Variants in TOX observed in about 807,000 individuals in gnomAD.
TOX encodes the protein thymocyte selection-associated high mobility group box protein TOX.
TOX carries 11 observed loss-of-function variants against 53.7 expected under a neutral mutation model. That is an observed-to-expected ratio of 0.20 (90% CI 0.13 to 0.34). The LOEUF is 0.34. Ranked by LOEUF, TOX falls within the 10% of genes least tolerant of loss-of-function variation. The pLI, the probability that TOX is intolerant of heterozygous loss-of-function variation, is 1.00. For synonymous variants in TOX, 225 were observed against 245.3 expected (o/e 0.92, Z 0.77); for missense variants, 570 against 664.6 (o/e 0.86, Z 1.56).
chr8:58,973,153 A>G (rs1210392398), intron 1 of TOX, among the ~76,000 whole-genome samples: 1 of 152,222 alleles, frequency 6.6e-6, no homozygotes, highest in Non-Finnish European at 1.5e-5. Flanking sequence ...AGAAAGTGAT[A>G]TAGTACCTAT....
chr8:59,018,856 G>A (rs1319388946), intron 1 of TOX, among the ~76,000 whole-genome samples: 1 of 152,016 alleles, frequency 6.6e-6, no homozygotes, highest in African/African-American at 2.4e-5. Flanking sequence ...GACTACCCAG[G>A]ACTGAGAACA....
intron 1 of TOX, among the ~76,000 whole-genome samples, chr8:59,113,381 A>G (rs1805052295): frequency 6.6e-6 from 1 of 152,184 alleles, no homozygotes; most frequent in Non-Finnish European, 1.5e-5. Flanking sequence ...GTCTTACTCT[A>G]GTACAATATT....
chr8:59,054,947 A>AG (rs1803863483), intron 1 of TOX, among the ~76,000 whole-genome samples: 1 of 141,244 alleles, frequency 7.1e-6, no homozygotes, highest in East Asian at 2.2e-4. Context: ...AGAAAGGAAA[A>AG]AGAGAGGAGG....
chr8:59,094,894 C>A (rs1280202235), intron 1 of TOX, among the ~76,000 whole-genome samples: 1 of 152,138 alleles, frequency 6.6e-6, no homozygotes, highest in African/African-American at 2.4e-5. Context: ...ACTCAAATAG[C>A]CTTTTGGTCT....
chr8:58,826,929 T>G, intron 5 of TOX, 27 bp from the exon 6 acceptor site: 1 of 1,599,402 alleles, frequency 6.3e-7, no homozygotes, highest in Non-Finnish European at 8.5e-7. Context: ...GAGTCTTAAA[T>G]TAGAAAGTGC....
chr8:58,911,364 G>A (rs1420132573), intron 3 of TOX, among the ~76,000 whole-genome samples: 3 of 151,920 alleles, frequency 2.0e-5, no homozygotes, highest in Non-Finnish European at 2.9e-5. Context: ...ACATATAATT[G>A]GAAATATCTA....
intron 5 of TOX, 61 bp from the exon 6 acceptor site, chr8:58,826,963 T>C: frequency 7.2e-7 from 1 of 1,384,378 alleles, no homozygotes; most frequent in Non-Finnish European, 1.0e-6. Flanking sequence ...TTCAGAGAAG[T>C]ACAATATAGA....
chr8:59,091,730 TTCTC>T (rs1165752465), intron 1 of TOX, among the ~76,000 whole-genome samples: 1 of 152,110 alleles, frequency 6.6e-6, no homozygotes, highest in Non-Finnish European at 1.5e-5. Flanking sequence ...ATGACTTTCT[TTCTC>T]AGTGACTGGC....
intron 1 of TOX, among the ~76,000 whole-genome samples, chr8:59,068,324 A>G (rs1804132033): frequency 1.3e-5 from 2 of 152,154 alleles, no homozygotes; most frequent in South Asian, 4.1e-4. Flanking sequence ...TAAATATAAT[A>G]TAGTCTCAGT....
chr8:59,038,937 A>G (rs1219527981), intron 1 of TOX, among the ~76,000 whole-genome samples: 1 of 152,246 alleles, frequency 6.6e-6, no homozygotes, highest in African/African-American at 2.4e-5. Flanking sequence ...ATGAAATCTC[A>G]CTGGACTCGG....
At chr8:58,886,015 T>C (rs1005791851) in intron 3 of TOX, among the ~76,000 whole-genome samples, 1 of 152,130 alleles carries the variant, frequency 6.6e-6, no homozygotes, top group African/African-American at 2.4e-5. Context: ...TTTCAGTGTT[T>C]TCACACACTT....
intron 3 of TOX, among the ~76,000 whole-genome samples, chr8:58,922,108 T>A (rs566503181): frequency 2.0e-5 from 3 of 152,326 alleles, no homozygotes; most frequent in Non-Finnish European, 4.4e-5. Flanking sequence ...GTTTAGGATC[T>A]TCCTAAATGA....
intron 1 of TOX, among the ~76,000 whole-genome samples, chr8:59,019,557 C>T (rs1164753986): frequency 3.9e-5 from 6 of 152,032 alleles, no homozygotes; most frequent in African/African-American, 1.4e-4. Flanking sequence ...AAAATGATTG[C>T]CTAGCCAAAA....
chr8:59,118,511 A>T lies in TOX; in HGVS notation c.102+375T>A, dbSNP rs1382205791. Among the ~76,000 whole-genome samples, 1 of 152,130 alleles carries T rather than the reference A, an allele frequency of 6.6e-6. No individual in the cohort carries two copies. ...GAGGGAGAGAGAAGGGGGAACTGGG[A>T]AATAAACTGAATTCTCTTACTCTGC... On this transcript the variant is annotated intron_variant, in intron 1 of 8. Transcript: ENST00000361421. This position sits in a 1 kb window ranked among gnomAD's most constrained non-coding sequence, Gnocchi z 4.1.
rs116019991 is a variant in TOX at position 58,979,450 on chromosome 8, A to G, written c.103-19442T>C. On this transcript the variant is annotated intron_variant, in intron 1 of 8. Coordinates refer to ENST00000361421, the MANE Select transcript of TOX (RefSeq NM_014729.3). ...CCTTACCAGATATTTCAAACCAACA[A>G]ATAGAATTCTTTTTGTCTCAGTGAT... Among the ~76,000 whole-genome samples, 989 of 152,362 alleles carry G rather than the reference A, an allele frequency of 6.5e-3. 5 individuals carry two copies. The highest frequency in any genetic ancestry group is 0.018 in the African/African-American group (731 of 41,590).
rs1256575396 is a variant in TOX at position 58,807,438 on chromosome 8, C to T, written c.*309G>A. On this transcript the variant is annotated 3_prime_UTR_variant, in exon 9 of 9. Transcript: ENST00000361421. ...CCAATGGAAAATCCAGGACTTTTAT[C>T]CGAGACATCTACAGTTGCTAAGGCA... The T allele has an allele frequency of 3.5e-6, 1 of 285,456 alleles. No individual in the cohort carries two copies. The highest frequency in any genetic ancestry group is 2.2e-5 in the African/African-American group (1 of 46,290). The allele number at this position is 285,456 out of a possible 1,614,324, so 17.7% of individuals were successfully genotyped here.
At position 58,939,274 on chromosome 8, in the gene TOX, C is replaced by T. The variant is rs746117988; in HGVS notation, c.411+28G>A. The T allele has an allele frequency of 5.6e-6, 9 of 1,612,192 alleles. No homozygotes were observed. The Admixed American group carries it at 1.3e-4, about 24-fold the overall frequency. On this transcript the variant is annotated intron_variant, in intron 3 of 8. Coordinates refer to ENST00000361421, the MANE Select transcript of TOX (RefSeq NM_014729.3). ...TGTCCTTATGGTATCCCTCAGCCCC[C>T]ACCACAAACAGGTAAGCAGATTCTT...
At chr8:59,062,156 G>A (rs2129422017) in intron 1 of TOX, among the ~76,000 whole-genome samples, 1 of 152,268 alleles carries the variant, frequency 6.6e-6, no homozygotes, top group South Asian at 2.1e-4. Context: ...CAGGTGGAAA[G>A]GTTGCGAAGC....
intron 1 of TOX, among the ~76,000 whole-genome samples, chr8:59,064,642 G>T (rs1370382410): frequency 6.6e-6 from 1 of 151,980 alleles, no homozygotes; most frequent in Non-Finnish European, 1.5e-5. Flanking sequence ...TAGGGAACAT[G>T]AAATCACAAG....
Sources: gnomAD v4.1 joint callset for allele counts (sites outside exome capture counted in the v4.1 genomes callset) on GRCh38, gnomAD v4.1.1 for gene constraint, Gnocchi (gnomAD v3.1) non-coding constraint, MANE v1.5 for transcripts, NCBI Gene and HGNC (gene_info 2026-07-23, HGNC 2026-07-21) for gene names.